Variants in KDM5B observed in about 807,000 individuals in gnomAD.
KDM5B encodes the protein lysine-specific demethylase 5B.
A neutral mutation model predicts 193.4 loss-of-function variants in KDM5B; 144 were observed. The observed-to-expected ratio is 0.74, with a 90% CI of 0.65 to 0.86. The LOEUF is 0.86. KDM5B is among the 40% of genes least tolerant of loss of function. The pLI is 0.00. For synonymous variants in KDM5B, 668 were observed against 682.6 expected (o/e 0.98, Z 0.33); for missense variants, 1,833 against 1,886.9 (o/e 0.97, Z 0.53).
intron 4 of KDM5B, 97 bp downstream of exon 4, chr1:202,773,021 T>C: frequency 1.1e-6 from 1 of 908,842 alleles, no homozygotes; most frequent in Non-Finnish European, 1.7e-6. Context: ...TAAAACAAGG[T>C]CTTCCAAACA....
intron 22 of KDM5B, 24 bp downstream of exon 22, chr1:202,735,405 G>A (rs747490970): frequency 1.3e-6 from 2 of 1,594,718 alleles, no homozygotes; most frequent in Admixed American, 3.5e-5. Context: ...AACATAGAAA[G>A]GAGAAGAAAA....
At chr1:202,748,316 G>GA (rs1655646924) in intron 14 of KDM5B, among the ~76,000 whole-genome samples, 1 of 152,112 alleles carries the variant, frequency 6.6e-6, no homozygotes, top group Admixed American at 6.5e-5. Flanking sequence ...CTTTGTAGGA[G>GA]AAAATCTTTG....
Position 202,735,426 on chromosome 1 carries a change from T to A in KDM5B, c.3423+3A>T. 1 of 1,611,248 alleles carries A rather than the reference T, an allele frequency of 6.2e-7. No individual in the cohort carries two copies. On this transcript the variant is annotated splice_donor_region_variant and intron_variant, in intron 22 of 26. Coordinates refer to ENST00000367265, the MANE Select transcript of KDM5B (RefSeq NM_006618.5). ...GAAAGGAGAAGAAAAAAACCCTACA[T>A]ACAGCTGAAGCAGTCTCCTTGCTTT...
chr1:202,803,871 C>T (rs1384130636), intron 1 of KDM5B, among the ~76,000 whole-genome samples: 1 of 146,840 alleles, frequency 6.8e-6, no homozygotes, highest in Non-Finnish European at 1.5e-5. Flanking sequence ...GGACTTAATC[C>T]AACCTCCTAC....
intron 24 of KDM5B, among the ~76,000 whole-genome samples, chr1:202,731,602 C>A (rs767202970): frequency 6.6e-6 from 1 of 152,186 alleles, no homozygotes; most frequent in African/African-American, 2.4e-5. Flanking sequence ...GTGGCATGAA[C>A]CCTTTCATCC....
chr1:202,742,892 G>C (rs1315476679), intron 16 of KDM5B, 87 bp from the exon 17 acceptor site: 10 of 1,083,376 alleles, frequency 9.2e-6, no homozygotes, highest in Non-Finnish European at 2.7e-6. Context: ...GGTTTTGTCA[G>C]TTCTTGTCTA....
chr1:202,741,225 A>G (rs1466439249), intron 19 of KDM5B, 142 bp downstream of exon 19: 6 of 536,474 alleles, frequency 1.1e-5, no homozygotes, highest in Non-Finnish European at 1.9e-5. Context: ...AGCTCCAAAT[A>G]TCTCAGCTAT....
At chr1:202,768,560 C>A (rs534959017) in intron 4 of KDM5B, among the ~76,000 whole-genome samples, 5 of 152,018 alleles carry the variant, frequency 3.3e-5, no homozygotes, top group South Asian at 2.1e-4. Flanking sequence ...AAATTTATTT[C>A]TAATAGTTAA....
At chr1:202,753,631 G>A (rs1230475059) in intron 11 of KDM5B, among the ~76,000 whole-genome samples, 3 of 150,724 alleles carry the variant, frequency 2.0e-5, no homozygotes, top group Non-Finnish European at 4.4e-5. Flanking sequence ...TTTAGAAAAT[G>A]CAGACACCTA....
At position 202,791,670 on chromosome 1, in the gene KDM5B, A is replaced by G. The variant is rs77211444; in HGVS notation, c.205-14576T>C. Reference sequence around the variant, plus strand: ...ATAACTTCTATTCCTTGCATACGTCATACTTGCTAATCTTTCTCACCAGTC... The same window carrying G: ...ATAACTTCTATTCCTTGCATACGTCGTACTTGCTAATCTTTCTCACCAGTC... On this transcript the variant is annotated intron_variant, in intron 1 of 26. Coordinates refer to ENST00000367265, the MANE Select transcript of KDM5B (RefSeq NM_006618.5). Among the ~76,000 whole-genome samples, 642 of 152,246 alleles carry G rather than the reference A, an allele frequency of 4.2e-3. 4 individuals are homozygous for G. Among genetic ancestry groups the G allele is most frequent in the Non-Finnish European group, 7.5e-3 (508 of 68,018 alleles).
chr1:202,731,896 T>A lies in KDM5B; in HGVS notation c.3953A>T (p.Asp1318Val), dbSNP rs1171237046. 2 of 1,613,368 alleles carry A rather than the reference T, an allele frequency of 1.2e-6. No individual in the cohort carries two copies. Among genetic ancestry groups the A allele is most frequent in the Non-Finnish European group, 8.5e-7 (1 of 1,179,776 alleles). The change falls in exon 24 of 27, where the codon GAC (aspartate) becomes GTC (valine). Residue 1318 changes from aspartate (D) to valine (V), a missense_variant. Physicochemically the swap from Asp to Val is radical, Grantham distance 152. This residue lies in a region of KDM5B where 1,379 missense variants were observed against 1,349.6 expected (regional missense o/e 1.02). Transcript: ENST00000367265. ...PGTTSFSLPD[D>V]WDNRTSYLHS... ...CAAATATGAGGTTCTGTTGTCCCAG[T>A]CATCAGGCAAAGAAAATGATGTTGT...
At chr1:202,735,137 T>TA (rs2102219094) in intron 22 of KDM5B, among the ~76,000 whole-genome samples, 2 of 152,322 alleles carry the variant, frequency 1.3e-5, no homozygotes, top group East Asian at 3.9e-4. Flanking sequence ...CTATTAATAT[T>TA]AGTCTCAATA....
At chr1:202,762,308 C>T (rs771257556) in intron 7 of KDM5B, among the ~76,000 whole-genome samples, 11 of 151,644 alleles carry the variant, frequency 7.3e-5, no homozygotes, top group Non-Finnish European at 1.5e-4. Flanking sequence ...CTTCCCTTTG[C>T]TAGCTGGGAA....
At chr1:202,776,607 T>A (rs542265252) in intron 2 of KDM5B, among the ~76,000 whole-genome samples, 22 of 152,088 alleles carry the variant, frequency 1.4e-4, no homozygotes, top group Admixed American at 4.6e-4. Flanking sequence ...CAGGCTGGAG[T>A]GCAGAGTGCA....
chr1:202,779,781 C>T (rs986496323), intron 1 of KDM5B, among the ~76,000 whole-genome samples: 83 of 144,754 alleles, frequency 5.7e-4, no homozygotes, highest in Non-Finnish European at 9.6e-4. Context: ...CCAGCCTGGG[C>T]GACAGAGTCA....
chr1:202,726,447 T>G lies in KDM5B; in HGVS notation c.*2589A>C, dbSNP rs1325251804. On this transcript the variant is annotated 3_prime_UTR_variant, in exon 27 of 27. Coordinates refer to ENST00000367265, the MANE Select transcript of KDM5B (RefSeq NM_006618.5). ...ATATAAGAAATCCCCCAAAGTCTAA[T>G]CTGGAAGGAAAAACAAAAAACAAAC... The G allele has an allele frequency of 3.3e-5, 5 of 152,248 alleles. No individual in the cohort carries two copies. Among genetic ancestry groups the G allele is most frequent in the Admixed American group, 2.6e-4 (4 of 15,306 alleles). 9.4% of individuals were successfully genotyped at this position (152,248 alleles called of 1,614,324 possible).
intron 7 of KDM5B, among the ~76,000 whole-genome samples, chr1:202,762,167 T>C (rs991344714): frequency 4.2e-4 from 64 of 152,208 alleles, no homozygotes; most frequent in Admixed American, 1.3e-4. Context: ...CCATGTCCTC[T>C]TCCCTATTCC....
intron 1 of KDM5B, among the ~76,000 whole-genome samples, chr1:202,787,593 A>T (rs1657460285): frequency 6.6e-6 from 1 of 152,044 alleles, no homozygotes; most frequent in African/African-American, 2.4e-5. Context: ...TTCGGTTAAA[A>T]GTATGTGAAG....
intron 13 of KDM5B, among the ~76,000 whole-genome samples, chr1:202,749,986 T>A (rs1443794543): frequency 6.6e-6 from 1 of 152,248 alleles, no homozygotes; most frequent in Admixed American, 6.5e-5. Flanking sequence ...TGTCCTTAAA[T>A]TGCTGTACTG....
Sources: allele counts gnomAD v4.1 joint callset (sites outside exome capture counted in the v4.1 genomes callset), GRCh38; gene constraint gnomAD v4.1.1; regional missense constraint gnomAD v4.1.1; transcripts MANE v1.5; gene names NCBI Gene and HGNC (gene_info 2026-07-23, HGNC 2026-07-21).